Variants in NRG3 observed in about 807,000 individuals in gnomAD.
The protein encoded by NRG3 is pro-neuregulin-3, membrane-bound isoform.
NRG3 carries 31 observed loss-of-function variants against 66.9 expected under a neutral mutation model. The observed-to-expected ratio is 0.46, with a 90% confidence interval of 0.35 to 0.63. The LOEUF (loss-of-function observed/expected upper bound fraction) is 0.63. Ranked by LOEUF, NRG3 falls within the 20% of genes least tolerant of loss-of-function variation. NRG3 has a pLI of 0.00. For synonymous variants in NRG3, 393 were observed against 359.4 expected (o/e 1.09, Z -1.06); for missense variants, 910 against 878.9 (o/e 1.04, Z -0.45).
chr10:82,666,900 T>C (rs1178961119), intron 2 of NRG3, among the ~76,000 whole-genome samples: 1 of 152,222 alleles, frequency 6.6e-6, no homozygotes, highest in Non-Finnish European at 1.5e-5. Context: ...CTTTAATAAA[T>C]GCATGATACA....
At chr10:82,867,699 G>A (rs1417007743) in intron 4 of NRG3, among the ~76,000 whole-genome samples, 1 of 152,314 alleles carries the variant, frequency 6.6e-6, no homozygotes, top group East Asian at 1.9e-4. Context: ...AAGAGATTGA[G>A]AATGCAGAAG....
chr10:82,391,993 CAAAAAAAA>C (rs775895969), intron 2 of NRG3, among the ~76,000 whole-genome samples: 1 of 38,900 alleles, frequency 2.6e-5, no homozygotes, highest in Admixed American at 3.1e-4. Context: ...CGAGCACATG[CAAAAAAAA>C]AAAAAAAAAC....
At chr10:82,653,102 C>T (rs2051558991) in intron 2 of NRG3, among the ~76,000 whole-genome samples, 1 of 152,066 alleles carries the variant, frequency 6.6e-6, no homozygotes, top group Non-Finnish European at 1.5e-5. Flanking sequence ...TACCAAAGCT[C>T]AATTAGTGAT....
rs148906289 is a variant in NRG3 at position 82,358,750 on chromosome 10, T to A, written c.835T>A (p.Tyr279Asn). 6.2e-7 allele frequency: 1 copy of A among 1,614,078 alleles called. No individual in the cohort carries two copies. The highest frequency in any genetic ancestry group is 8.5e-7 in the Non-Finnish European group (1 of 1,179,980). ...GCTTTCCCTGACAGATACGACGACA[T>A]ATTCCACAGAGCGATCCGAGCACTT... Reference protein sequence around the residue: ...STSPKFHTTTYSTERSEHFKP... With the variant: ...STSPKFHTTTNSTERSEHFKP... Residue 279 changes from tyrosine (Y) to asparagine (N), a missense_variant, in exon 2 of 9, where the codon TAT (tyrosine) becomes AAT (asparagine). Transcript: ENST00000372141.
chr10:82,763,777 G>A (rs342402), intron 3 of NRG3, among the ~76,000 whole-genome samples: 135,077 of 152,112 alleles, frequency 0.89, 60,106 homozygotes, highest in African/African-American at 0.93. Flanking sequence ...TGATCATACA[G>A]AATGTGTCTA....
rs535397117 is a variant in NRG3 at position 82,855,146 on chromosome 10, A to AT, written c.1028-10264dup. 1.5e-4 allele frequency among the ~76,000 whole-genome samples: 23 copies of AT among 152,270 alleles called. No homozygotes were observed. In the East Asian group the frequency reaches 2.7e-3, roughly 18 times the overall value. ...AGCTCAGAGCAGTGTTTCTTAAAAT[A>AT]TGTCCATCATTTTGTGAAGTGGTAT... On this transcript the variant is annotated intron_variant, in intron 3 of 8. Coordinates refer to ENST00000372141, the MANE Select transcript of NRG3 (RefSeq NM_001010848.4).
intron 6 of NRG3, among the ~76,000 whole-genome samples, chr10:82,969,076 G>A (rs1015315050): frequency 2.0e-5 from 3 of 152,238 alleles, no homozygotes; most frequent in East Asian, 1.9e-4. Flanking sequence ...CCCACAACAC[G>A]TGGGAGTTAT....
intron 1 of NRG3, among the ~76,000 whole-genome samples, chr10:82,246,633 A>G (rs574922027): frequency 1.3e-5 from 2 of 152,356 alleles, no homozygotes; most frequent in African/African-American, 4.8e-5. Flanking sequence ...AAGTTTGACC[A>G]AAAGAGGGGT....
At chr10:82,917,148 G>A (rs1369317304) in intron 4 of NRG3, among the ~76,000 whole-genome samples, 1 of 152,148 alleles carries the variant, frequency 6.6e-6, no homozygotes, top group African/African-American at 2.4e-5. Flanking sequence ...ATTTGATAAG[G>A]GGGAAGAAAA....
At chr10:82,532,607 A>G (rs2820964) in intron 2 of NRG3, among the ~76,000 whole-genome samples, 51,898 of 147,354 alleles carry the variant, frequency 0.35, 10,576 homozygotes, top group African/African-American at 0.57. Context: ...GTATATATGT[A>G]TATAGTACTA....
intron 2 of NRG3, among the ~76,000 whole-genome samples, chr10:82,393,832 C>G (rs543525493): frequency 6.6e-6 from 1 of 152,182 alleles, no homozygotes; most frequent in Non-Finnish European, 1.5e-5. Flanking sequence ...TAGGGATCCA[C>G]TTACTGTCCT....
At chr10:82,886,002 G>A (rs1842691489) in intron 4 of NRG3, among the ~76,000 whole-genome samples, 1 of 152,100 alleles carries the variant, frequency 6.6e-6, no homozygotes, top group Non-Finnish European at 1.5e-5. Flanking sequence ...CTCCCGAGTA[G>A]CTGGGACTAC....
chr10:82,706,007 T>G (rs892094351), intron 2 of NRG3, among the ~76,000 whole-genome samples: 12 of 152,312 alleles, frequency 7.9e-5, no homozygotes, highest in Non-Finnish European at 1.5e-4. Context: ...TTGTGCTGCC[T>G]GGAGTTCCAC....
intron 1 of NRG3, among the ~76,000 whole-genome samples, chr10:82,106,038 T>C (rs1474396259): frequency 6.6e-6 from 1 of 152,232 alleles, no homozygotes; most frequent in Non-Finnish European, 1.5e-5. Flanking sequence ...TCTGATTTAG[T>C]GAGCACATCT....
At chr10:82,498,638 G>A (rs1016319830) in intron 2 of NRG3, among the ~76,000 whole-genome samples, 37 of 152,134 alleles carry the variant, frequency 2.4e-4, no homozygotes, top group African/African-American at 8.4e-4. Context: ...AGAAGAAAAG[G>A]ACATGAGATT....
At chr10:82,863,447 C>T (rs1368108164) in intron 3 of NRG3, among the ~76,000 whole-genome samples, 3 of 152,192 alleles carry the variant, frequency 2.0e-5, no homozygotes, top group Admixed American at 2.0e-4. Flanking sequence ...CTGCCTTCTA[C>T]AATGGTTGAA....
chr10:82,265,971 T>A (rs1347181866), intron 1 of NRG3, among the ~76,000 whole-genome samples: 2 of 152,144 alleles, frequency 1.3e-5, no homozygotes, highest in Non-Finnish European at 2.9e-5. Flanking sequence ...TTAATAGGGC[T>A]TCAGAGAAAA....
chr10:82,609,185 A>G (rs2048151661), intron 2 of NRG3, among the ~76,000 whole-genome samples: 2 of 152,224 alleles, frequency 1.3e-5, no homozygotes, highest in Admixed American at 1.3e-4. Context: ...TGGAGAATCA[A>G]AGTAACATAT....
At chr10:82,958,282 T>A (rs1350447924) in intron 5 of NRG3, among the ~76,000 whole-genome samples, 3 of 152,222 alleles carry the variant, frequency 2.0e-5, no homozygotes, top group Non-Finnish European at 4.4e-5. Context: ...TGTGCTTTAG[T>A]TCTCATCTAC....
Sources: allele counts gnomAD v4.1 joint callset (sites outside exome capture counted in the v4.1 genomes callset), GRCh38; gene constraint gnomAD v4.1.1; transcripts MANE v1.5; gene names NCBI Gene and HGNC (gene_info 2026-07-23, HGNC 2026-07-21).